Variants in ANKRD12 observed in about 807,000 individuals in gnomAD.
ANKRD12 encodes ankyrin repeat domain 12.
Under a neutral mutation model 183.4 loss-of-function variants are expected in ANKRD12, and 85 were observed. The observed-to-expected ratio is 0.46, with a 90% confidence interval of 0.39 to 0.56. ANKRD12 has a LOEUF of 0.56. Ranked by LOEUF, ANKRD12 falls within the 20% of genes least tolerant of loss-of-function variation. The pLI is 0.00. For missense variants in ANKRD12, 2,405 were observed against 2,357.1 expected (o/e 1.02, Z -0.42); for synonymous variants, 914 against 800.2 (o/e 1.14, Z -2.40).
At chr18:9,216,375 C>T (rs1209613254) in intron 6 of ANKRD12, among the ~76,000 whole-genome samples, 1 of 152,074 alleles carries the variant, frequency 6.6e-6, no homozygotes, top group Non-Finnish European at 1.5e-5. Context: ...TTTTCTCTAG[C>T]TTTATTGTAA....
chr18:9,277,512 A>G (rs996219282), intron 11 of ANKRD12, among the ~76,000 whole-genome samples: 2 of 151,406 alleles, frequency 1.3e-5, no homozygotes, highest in East Asian at 1.9e-4. Context: ...TATTTTTAGT[A>G]GAGACGGGGT....
chr18:9,157,547 G>GTA (rs2030684823), intron 1 of ANKRD12, among the ~76,000 whole-genome samples: 5 of 125,460 alleles, frequency 4.0e-5, no homozygotes, highest in Non-Finnish European at 6.5e-5. Context: ...TATGGTGTGT[G>GTA]TGGGTGTGTG....
intron 8 of ANKRD12, among the ~76,000 whole-genome samples, chr18:9,236,891 T>G (rs1267677154): frequency 1.3e-5 from 2 of 152,088 alleles, no homozygotes; most frequent in Non-Finnish European, 2.9e-5. Flanking sequence ...TACTGTCAGG[T>G]TGGCACTGGA....
chr18:9,213,948 A>G (rs1011524706), intron 6 of ANKRD12, among the ~76,000 whole-genome samples: 1 of 152,030 alleles, frequency 6.6e-6, no homozygotes, highest in Non-Finnish European at 1.5e-5. Flanking sequence ...GATTATTAAA[A>G]ATTATATCAA....
At chr18:9,155,452 A>G (rs1292322423) in intron 1 of ANKRD12, among the ~76,000 whole-genome samples, 3 of 152,222 alleles carry the variant, frequency 2.0e-5, no homozygotes, top group Non-Finnish European at 4.4e-5. Context: ...ATCTTTACAT[A>G]TTTGTGTAAG....
intron 1 of ANKRD12, among the ~76,000 whole-genome samples, chr18:9,138,205 T>A (rs975031732): frequency 6.6e-6 from 1 of 152,142 alleles, no homozygotes; most frequent in Non-Finnish European, 1.5e-5. Context: ...TATCGTAAAT[T>A]AACTGTGTAT....
chr18:9,245,495 T>C (rs2037908434), intron 8 of ANKRD12, among the ~76,000 whole-genome samples: 1 of 152,096 alleles, frequency 6.6e-6, no homozygotes, highest in African/African-American at 2.4e-5. Context: ...ATCACTAGTT[T>C]GTAATTGTTT....
At chr18:9,211,890 T>C in intron 6 of ANKRD12, 106 bp downstream of exon 6, 1 of 1,000,132 alleles carries the variant, frequency 1.0e-6, no homozygotes, top group African/African-American at 1.6e-5. Flanking sequence ...AATGAAAGAG[T>C]TCTAAAAATA....
intron 1 of ANKRD12, among the ~76,000 whole-genome samples, chr18:9,169,102 T>A (rs1024598902): frequency 6.6e-6 from 1 of 152,208 alleles, no homozygotes; most frequent in African/African-American, 2.4e-5. Flanking sequence ...TTATAATTTC[T>A]GTTCTTTTAC....
At chr18:9,199,143 A>G (rs2035020907) in intron 3 of ANKRD12, among the ~76,000 whole-genome samples, 1 of 152,066 alleles carries the variant, frequency 6.6e-6, no homozygotes, top group Non-Finnish European at 1.5e-5. Flanking sequence ...AAAATTAAAA[A>G]ATGAGTCAGG....
intron 1 of ANKRD12, among the ~76,000 whole-genome samples, chr18:9,140,296 T>G (rs910489224): frequency 1.2e-4 from 19 of 152,206 alleles, no homozygotes; most frequent in African/African-American, 4.3e-4. Flanking sequence ...GGTGTTTAGA[T>G]CCCTGGATTT....
rs2040174315 is a variant in ANKRD12 at position 9,284,043 on chromosome 18, A to G, written c.*2917A>G. On this transcript the variant is annotated 3_prime_UTR_variant, in exon 13 of 13. Coordinates refer to ENST00000262126, the MANE Select transcript of ANKRD12 (RefSeq NM_015208.5). ...CCCAGTGCATATAAAAGTTTTGTTT[A>G]TACTATATTAAGTGTGCAATAGCAT... 6.6e-6 allele frequency: 1 copy of G among 152,218 alleles called. No individual in the cohort carries two copies. Among genetic ancestry groups the G allele is most frequent in the Non-Finnish European group, 1.5e-5 (1 of 68,030 alleles). 9.4% of individuals were successfully genotyped at this position (152,218 alleles called of 1,614,324 possible). A position where few individuals can be genotyped will look rare whatever the true frequency, so the allele number is the denominator to read the frequency against.
chr18:9,160,862 T>C (rs1230965595), intron 1 of ANKRD12, among the ~76,000 whole-genome samples: 1 of 152,224 alleles, frequency 6.6e-6, no homozygotes, highest in African/African-American at 2.4e-5. Context: ...TCAGTTTAGA[T>C]AGGGTTGAAA....
chr18:9,257,279 G>A lies in ANKRD12; in HGVS notation c.4012G>A (p.Val1338Met), dbSNP rs373743530. The A allele has an allele frequency of 1.2e-6, 2 of 1,614,130 alleles. No individual in the cohort carries two copies. The highest frequency in any genetic ancestry group is 1.1e-5 in the South Asian group (1 of 91,084). Reference sequence around the variant, plus strand: ...GAGCAATCAAGGTAGCTTATTAACTGTGCCAGGAGATACTAGTCCTTCTCC... The same window carrying A: ...GAGCAATCAAGGTAGCTTATTAACTATGCCAGGAGATACTAGTCCTTCTCC... Reference protein sequence around the residue: ...EESNQGSLLTVPGDTSPSPKP... With the variant: ...EESNQGSLLTMPGDTSPSPKP... Residue 1338 changes from valine to methionine, a missense_variant, in exon 9 of 13, where the codon GTG (valine) becomes ATG (methionine). Transcript: ENST00000262126.
chr18:9,147,418 G>GT (rs1387865258), intron 1 of ANKRD12, among the ~76,000 whole-genome samples: 5 of 152,100 alleles, frequency 3.3e-5, no homozygotes, highest in African/African-American at 1.2e-4. Context: ...CCTATCTTTT[G>GT]TGGGGGGCTG....
Position 9,195,600 on chromosome 18 carries a change from G to C in ANKRD12, c.137G>C (p.Ser46Thr), listed in dbSNP as rs34208641. The part of the protein sequence containing the change: ...SYSKTPKIER[S>T]DVSKEMKEKS... ...AGCAAAACTCCAAAAATTGAACGAAGTGATGTGAGCAAGGAGATGAAAGAG... is the reference window on the plus strand; with the variant it reads ...AGCAAAACTCCAAAAATTGAACGAACTGATGTGAGCAAGGAGATGAAAGAG... The change falls in exon 3 of 13, where the codon AGT becomes ACT. Residue 46 changes from serine to threonine, a missense_variant. Physicochemically the swap from Ser to Thr is moderately conservative, Grantham distance 58 (BLOSUM62 1). Around this residue, in one of 7 missense-constraint regions of ANKRD12, gnomAD observed 145 missense variants for 145.6 expected, o/e 1.00. Coordinates refer to ENST00000262126, the MANE Select transcript of ANKRD12 (RefSeq NM_015208.5). 1.1e-3 allele frequency: 1,769 copies of C among 1,611,762 alleles called. 19 individuals carry two copies. In the African/African-American group the frequency reaches 0.021, roughly 19 times the overall value.
chr18:9,190,649 A>T (rs2034396321), intron 2 of ANKRD12, among the ~76,000 whole-genome samples: 1 of 152,142 alleles, frequency 6.6e-6, no homozygotes, highest in South Asian at 2.1e-4. Context: ...CAACCATCAA[A>T]AATTGTCCTG....
rs1008048755 is a variant in ANKRD12, at chr18:9,136,927, G to C, written c.-90G>C. ...CAGCGACGGCTACGCCGAAGCACTC[G>C]TTCCGGGGGTGAAGCCTCCTGCGCC... On this transcript the variant is annotated 5_prime_UTR_variant, in exon 1 of 13. Transcript: ENST00000262126. The C allele has an allele frequency of 3.9e-5, 6 of 152,446 alleles. No individual in the cohort carries two copies. The highest frequency in any genetic ancestry group is 1.4e-4 in the African/African-American group (6 of 41,578). 9.4% of individuals were successfully genotyped at this position (152,446 alleles called of 1,614,324 possible).
At chr18:9,217,916 G>T (rs1303875515) in intron 7 of ANKRD12, among the ~76,000 whole-genome samples, 1 of 152,130 alleles carries the variant, frequency 6.6e-6, no homozygotes, top group African/African-American at 2.4e-5. Flanking sequence ...TAGATGAATG[G>T]ATAACTGACT....
Sources: allele counts gnomAD v4.1 joint callset (sites outside exome capture counted in the v4.1 genomes callset), GRCh38; gene constraint gnomAD v4.1.1; regional missense constraint gnomAD v4.1.1; transcripts MANE v1.5; gene names NCBI Gene and HGNC (gene_info 2026-07-23, HGNC 2026-07-21).